Variants in CDH12 observed in about 807,000 individuals in gnomAD.
The protein encoded by CDH12 is cadherin-12.
A neutral mutation model predicts 74.1 loss-of-function variants in CDH12; 41 were observed. That is an observed-to-expected ratio of 0.55 (90% confidence interval 0.43 to 0.72). CDH12 has a LOEUF of 0.72. Ranked by LOEUF, CDH12 falls within the 30% of genes least tolerant of loss-of-function variation. The pLI is 0.00. For missense variants in CDH12, 945 were observed against 977.2 expected (o/e 0.97, Z 0.44); for synonymous variants, 399 against 355.0 (o/e 1.12, Z -1.39).
intron 6 of CDH12, among the ~76,000 whole-genome samples, chr5:21,956,280 A>C (rs1180436974): frequency 6.6e-6 from 1 of 152,038 alleles, no homozygotes; most frequent in Non-Finnish European, 1.5e-5. Context: ...AATGAAAATT[A>C]ATGCAAAAAA....
At chr5:21,762,697 C>T (rs1227965263) in intron 12 of CDH12, among the ~76,000 whole-genome samples, 3 of 151,996 alleles carry the variant, frequency 2.0e-5, no homozygotes, top group African/African-American at 7.2e-5. Flanking sequence ...GAAAAAATAA[C>T]ATTGATTTCA....
At chr5:22,782,365 C>T (rs1173557248) in intron 1 of CDH12, among the ~76,000 whole-genome samples, 2 of 152,054 alleles carry the variant, frequency 1.3e-5, no homozygotes, top group East Asian at 3.9e-4. Context: ...TTCCCCCGTG[C>T]TGTTCTCATG....
chr5:21,914,533 G>T (rs184863872), intron 6 of CDH12, among the ~76,000 whole-genome samples: 5 of 152,256 alleles, frequency 3.3e-5, no homozygotes, highest in Admixed American at 2.0e-4. Context: ...AGAGATGGGA[G>T]AGAGATTTTA....
At position 22,482,439 on chromosome 5, in the gene CDH12, C is replaced by T. The variant is rs538666908; in HGVS notation, c.-428+22831G>A. On this transcript the variant is annotated intron_variant, in intron 2 of 14. Coordinates refer to ENST00000382254, the MANE Select transcript of CDH12 (RefSeq NM_004061.5). ...GCCCAAAAAGTAGTCTTCCCCTCTA[C>T]GTACCTTTATGTTGAACAAACCTAG... 3.3e-5 allele frequency among the ~76,000 whole-genome samples: 5 copies of T among 152,230 alleles called. No individual in the cohort carries two copies. In the South Asian group the frequency reaches 6.2e-4, roughly 19 times the overall value.
intron 1 of CDH12, among the ~76,000 whole-genome samples, chr5:22,557,697 A>G (rs1205752361): frequency 6.6e-6 from 1 of 152,106 alleles, no homozygotes; most frequent in African/African-American, 2.4e-5. Flanking sequence ...GCAATTACCT[A>G]CAATGATAAA....
intron 3 of CDH12, among the ~76,000 whole-genome samples, chr5:22,377,088 G>A (rs925677541): frequency 3.3e-5 from 5 of 152,044 alleles, no homozygotes; most frequent in Admixed American, 2.6e-4. Context: ...CTGTCTCCAT[G>A]CTGAATCATA....
At chr5:22,278,303 A>G (rs949237072) in intron 3 of CDH12, among the ~76,000 whole-genome samples, 6 of 152,210 alleles carry the variant, frequency 3.9e-5, no homozygotes, top group Middle Eastern at 3.2e-3. Context: ...GATTTTGCCA[A>G]CATTTTACAT....
At chr5:22,631,207 C>T (rs757983321) in intron 1 of CDH12, among the ~76,000 whole-genome samples, 1 of 152,108 alleles carries the variant, frequency 6.6e-6, no homozygotes, top group Non-Finnish European at 1.5e-5. Context: ...TTAGTTTAGC[C>T]ATTGTGGAAA....
intron 4 of CDH12, among the ~76,000 whole-genome samples, chr5:22,211,444 G>C (rs1167811201): frequency 2.6e-5 from 4 of 151,986 alleles, no homozygotes; most frequent in Admixed American, 1.3e-4. Context: ...CAGACTGATA[G>C]ATCACATAAT....
intron 1 of CDH12, among the ~76,000 whole-genome samples, chr5:22,779,666 G>C (rs1337774448): frequency 2.6e-5 from 4 of 152,116 alleles, no homozygotes; most frequent in African/African-American, 9.7e-5. Flanking sequence ...CATGAGATCT[G>C]ATGATTTTGT....
rs1748060729 is a variant in CDH12 at position 21,816,631 on chromosome 5, A to AAAAAAAAAAAAAAAAAAAAAG, written c.1002+313_1002+314insCTTTTTTTTTTTTTTTTTTTT. 1.5e-5 allele frequency among the ~76,000 whole-genome samples: 2 copies of AAAAAAAAAAAAAAAAAAAAAG among 129,834 alleles called. 1 individual carries two copies. Among genetic ancestry groups the AAAAAAAAAAAAAAAAAAAAAG allele is most frequent in the Non-Finnish European group, 3.2e-5 (2 of 61,724 alleles). The allele number at this position is 129,834 out of a possible 152,430, so 85.2% of individuals were successfully genotyped here. On this transcript the variant is annotated intron_variant, in intron 9 of 14. Transcript: ENST00000382254. The stretch of plus-strand genomic sequence containing the variant: ...CAGAGTGCAACTCCATCTCAAAAAA[A>AAAAAAAAAAAAAAAAAAAAAG]AAAAAAAAAAAAAAAAAAAAAAGAA...
At chr5:22,244,772 GAAAGAAAGAAAGAAAGAAAGA>G in intron 3 of CDH12, among the ~76,000 whole-genome samples, 1 of 123,644 alleles carries the variant, frequency 8.1e-6, no homozygotes, top group South Asian at 2.9e-4. Flanking sequence ...AAGAAAGAAA[GAAAGAAAGAAAGAAAGAAAGA>G]AAGAAAGAAA....
chr5:22,144,784 A>G (rs1374989112), intron 4 of CDH12, among the ~76,000 whole-genome samples: 1 of 152,072 alleles, frequency 6.6e-6, no homozygotes, highest in Admixed American at 6.6e-5. Flanking sequence ...AAAAACAAAT[A>G]TTACCTTATA....
At chr5:22,323,224 T>C (rs1301530998) in intron 3 of CDH12, among the ~76,000 whole-genome samples, 1 of 152,176 alleles carries the variant, frequency 6.6e-6, no homozygotes, top group Non-Finnish European at 1.5e-5. Flanking sequence ...ACTCTGTATG[T>C]TTCATGTTTT....
chr5:22,721,089 T>C (rs1407244247), intron 1 of CDH12, among the ~76,000 whole-genome samples: 1 of 152,174 alleles, frequency 6.6e-6, no homozygotes, highest in Non-Finnish European at 1.5e-5. Flanking sequence ...CAGAGATCTT[T>C]TGTGTCAGCT....
At chr5:21,994,242 A>T (rs181110101) in intron 5 of CDH12, among the ~76,000 whole-genome samples, 181 of 152,288 alleles carry the variant, frequency 1.2e-3, no homozygotes, top group African/African-American at 4.2e-3. Context: ...GGACAACGTA[A>T]TAGAGTCCCT....
intron 1 of CDH12, among the ~76,000 whole-genome samples, chr5:22,528,069 C>A (rs1169489226): frequency 1.3e-5 from 2 of 152,244 alleles, no homozygotes; most frequent in African/African-American, 4.8e-5. Context: ...TCCTCATGAT[C>A]CACACTTTGT....
intron 5 of CDH12, among the ~76,000 whole-genome samples, chr5:22,035,426 G>A (rs1019476112): frequency 6.6e-6 from 1 of 151,566 alleles, no homozygotes; most frequent in African/African-American, 2.4e-5. Flanking sequence ...GTTAACTACC[G>A]GCATCCAACC....
In CDH12 at chr5:21,979,042, C is replaced by G. The variant is rs544927412; in HGVS notation, c.232-3657G>C. ...CATAGTCTTTTCCATATTTTTGGGT[C>G]ATGTTCACTGTAAAAAAAATCACAT... is the stretch of plus-strand genomic sequence containing the variant. On this transcript the variant is annotated intron_variant, in intron 5 of 14. Coordinates refer to ENST00000382254, the MANE Select transcript of CDH12 (RefSeq NM_004061.5). 2.0e-5 allele frequency among the ~76,000 whole-genome samples: 3 copies of G among 152,104 alleles called. No homozygotes were observed. In the South Asian group the frequency reaches 6.2e-4, roughly 32 times the overall value.
Sources: allele counts gnomAD v4.1 joint callset (sites outside exome capture counted in the v4.1 genomes callset), GRCh38; gene constraint gnomAD v4.1.1; transcripts MANE v1.5; gene names NCBI Gene and HGNC (gene_info 2026-07-23, HGNC 2026-07-21).